Variants in SORL1 observed in about 807,000 individuals in gnomAD.
SORL1 encodes the protein sortilin-related receptor.
A neutral mutation model predicts 273.7 loss-of-function variants in SORL1; 127 were observed. The ratio of observed to expected loss-of-function variants is 0.46; its 90% CI spans 0.40 to 0.54. SORL1 has a LOEUF of 0.54. SORL1 is among the 20% of genes least tolerant of loss of function. The probability of loss-of-function intolerance (pLI) is 0.00; values close to 1 mark genes in which losing one functional copy is unlikely to be tolerated. For missense variants in SORL1, 2,494 were observed against 2,846.1 expected, an observed-to-expected ratio of 0.88 and a Z score of 2.81; for synonymous variants, 1,031 against 1,067.4, an observed-to-expected ratio of 0.97 and a Z score of 0.66.
At chr11:121,569,465 C>G (rs1314340689) in intron 22 of SORL1, among the ~76,000 whole-genome samples, 1 of 152,194 alleles carries the variant, frequency 6.6e-6, no homozygotes, top group African/African-American at 2.4e-5. Context: ...AGGAACATCC[C>G]TGAGAAAGAG....
intron 2 of SORL1, among the ~76,000 whole-genome samples, chr11:121,470,460 T>C (rs533047091): frequency 6.6e-6 from 1 of 152,366 alleles, no homozygotes; most frequent in South Asian, 2.1e-4. Flanking sequence ...CAAATTGGCC[T>C]TTCCCATATG....
At position 121,550,116 on chromosome 11, in the gene SORL1, G is replaced by T. The variant is rs771126126; in HGVS notation, c.2180+28G>T. The T allele has an allele frequency of 1.9e-6, 3 of 1,604,888 alleles. No homozygotes were observed. Among genetic ancestry groups the T allele is most frequent in the Non-Finnish European group, 2.6e-6 (3 of 1,175,220 alleles). ...ATGTATCACAGAGGTTGCCCTGTCA[G>T]GTTCTCAGCGGTCCGCACATGGAGC... On this transcript the variant is annotated intron_variant, in intron 15 of 47. Coordinates refer to ENST00000260197, the MANE Select transcript of SORL1 (RefSeq NM_003105.6). The surrounding 1 kb of genome is among the most constrained non-coding windows in gnomAD (Gnocchi z 5.3).
chr11:121,590,934 G>A (rs762654499), intron 30 of SORL1, 67 bp from the exon 31 acceptor site: 28 of 1,580,804 alleles, frequency 1.8e-5, no homozygotes, highest in Non-Finnish European at 2.1e-5. Context: ...CTAGGTTTGG[G>A]ACATATTTGG....
intron 2 of SORL1, among the ~76,000 whole-genome samples, chr11:121,471,349 G>A (rs1331028509): frequency 6.6e-6 from 1 of 152,158 alleles, no homozygotes; most frequent in Non-Finnish European, 1.5e-5. Context: ...TTACAAGTTG[G>A]CAGCCAGTGT....
At chr11:121,589,535 A>C (rs372572574) in intron 29 of SORL1, 145 bp downstream of exon 29, 12 of 1,012,938 alleles carry the variant, frequency 1.2e-5, no homozygotes, top group East Asian at 2.5e-5. Flanking sequence ...CTGAATACTC[A>C]TACGAGTTGA....
chr11:121,597,597 G>A (rs1863317238), intron 32 of SORL1, among the ~76,000 whole-genome samples: 1 of 152,124 alleles, frequency 6.6e-6, no homozygotes, highest in South Asian at 2.1e-4. Context: ...GAGTAGCTGG[G>A]ACGACAGGCA....
intron 9 of SORL1, among the ~76,000 whole-genome samples, chr11:121,521,619 A>G (rs1346517257): frequency 1.3e-5 from 2 of 152,006 alleles, no homozygotes; most frequent in Non-Finnish European, 1.5e-5. Flanking sequence ...GGTTACAGAA[A>G]CTCTTCAATG....
chr11:121,574,418 C>G, intron 24 of SORL1, 55 bp downstream of exon 24: 9 of 1,561,224 alleles, frequency 5.8e-6, no homozygotes, highest in Non-Finnish European at 7.9e-6. Flanking sequence ...TCATTGTGCT[C>G]CCTCACAGGG....
chr11:121,614,611 C>T, intron 40 of SORL1: 1 of 368,340 alleles, frequency 2.7e-6, no homozygotes, highest in East Asian at 6.1e-5. Flanking sequence ...CAAATGGCTT[C>T]CAGGAGCGTT....
chr11:121,474,825 C>A (rs929597670), intron 2 of SORL1, among the ~76,000 whole-genome samples: 1 of 152,248 alleles, frequency 6.6e-6, no homozygotes, highest in Non-Finnish European at 1.5e-5. Flanking sequence ...GTGGAGCCAC[C>A]AATCCGCTTG....
Position 121,483,138 on chromosome 11 carries a change from A to G in SORL1, c.529-4894A>G, listed in dbSNP as rs75859390. On this transcript the variant is annotated intron_variant, in intron 3 of 47. Coordinates refer to ENST00000260197, the MANE Select transcript of SORL1 (RefSeq NM_003105.6). The stretch of plus-strand genomic sequence containing the variant: ...AGACAGGGGTCTTGCTCTGCCATAC[A>G]TCCTGGGCACAATCATAGCTCACTG... Among the ~76,000 whole-genome samples, 557 of 152,340 alleles carry G rather than the reference A, an allele frequency of 3.7e-3. 6 individuals are homozygous for G. The highest frequency in any genetic ancestry group is 0.013 in the African/African-American group (526 of 41,576).
Position 121,621,134 on chromosome 11 carries a change from G to C in SORL1, c.5960G>C (p.Ser1987Thr), listed in dbSNP as rs779865212. Residue 1987 changes from serine to threonine, a missense_variant, in exon 44 of 48, where the codon AGC becomes ACC. Ser to Thr is a moderately conservative substitution (Grantham distance 58, BLOSUM62 1). Around this residue, in one of 3 missense-constraint regions of SORL1, gnomAD observed 1,609 missense variants for 1,816.4 expected, o/e 0.89. Coordinates refer to ENST00000260197, the MANE Select transcript of SORL1 (RefSeq NM_003105.6). ...DRSYKVKSRN[S>T]TVEYTLNKLE... ...AGCTACAAAGTAAAATCCCGTAACA[G>C]CACTGTGGAATACACCCTTAACAAG... 1 of 1,613,896 alleles carries C rather than the reference G, an allele frequency of 6.2e-7. No homozygotes were observed. The highest frequency in any genetic ancestry group is 1.1e-5 in the South Asian group (1 of 91,072).
At chr11:121,485,085 G>A (rs916254552) in intron 3 of SORL1, among the ~76,000 whole-genome samples, 2 of 152,174 alleles carry the variant, frequency 1.3e-5, no homozygotes, top group Non-Finnish European at 2.9e-5. Context: ...GGTGGTTGAA[G>A]CTTTGTGAAA....
At position 121,478,107 on chromosome 11, in the gene SORL1, C is replaced by T; in HGVS notation, c.403-11C>T. ...CTCTTTCTTTTTCATCTCCTTTTCTCTGTATTCCAGGTGTACGTGTCTTAC... is the reference window on the plus strand; with the variant it reads ...CTCTTTCTTTTTCATCTCCTTTTCTTTGTATTCCAGGTGTACGTGTCTTAC... On this transcript the variant is annotated splice_polypyrimidine_tract_variant and intron_variant, in intron 2 of 47. Coordinates refer to ENST00000260197, the MANE Select transcript of SORL1 (RefSeq NM_003105.6). 6.2e-7 allele frequency: 1 copy of T among 1,601,150 alleles called. No individual in the cohort carries two copies. Among genetic ancestry groups the T allele is most frequent in the East Asian group, 2.3e-5 (1 of 44,120 alleles).
At position 121,566,995 on chromosome 11, in the gene SORL1, C is replaced by T; in HGVS notation, c.3105C>T (p.Asn1035=). The T allele has an allele frequency of 6.2e-7, 1 of 1,614,148 alleles. No homozygotes were observed. The highest frequency in any genetic ancestry group is 1.7e-4 in the Middle Eastern group (1 of 6,060). ...GCCTGCTGTGCCTGCCCAAGGCCAA[C>T]AACAGTAGAAGCTGCAGGTGTCCAG... is the stretch of plus-strand genomic sequence containing the variant. ...PCSLLCLPKA[N]NSRSCRCPED... is the part of the protein sequence containing the mutation. The change falls in exon 22 of 48, where the codon AAC becomes AAT. Residue 1035 remains asparagine (N), a synonymous_variant. Transcript: ENST00000260197.
intron 25 of SORL1, among the ~76,000 whole-genome samples, chr11:121,580,243 G>A (rs1441941652): frequency 6.6e-6 from 1 of 152,164 alleles, no homozygotes; most frequent in Non-Finnish European, 1.5e-5. Context: ...CTCTGGTCTT[G>A]TCTTCAGCAG....
intron 3 of SORL1, among the ~76,000 whole-genome samples, chr11:121,478,870 A>G (rs493286): frequency 0.99 from 151,209 of 151,978 alleles, 75,227 homozygotes; most frequent in Middle Eastern, 1. Flanking sequence ...GCTTATGCAC[A>G]TATGGGTACC....
intron 46 of SORL1, 73 bp downstream of exon 46, chr11:121,625,350 C>A: frequency 3.3e-6 from 4 of 1,223,688 alleles, no homozygotes; most frequent in Non-Finnish European, 3.5e-6. Flanking sequence ...GGTTTCATGA[C>A]CATGTGTCTT....
At chr11:121,593,441 T>G (rs1863245925) in intron 31 of SORL1, among the ~76,000 whole-genome samples, 1 of 152,254 alleles carries the variant, frequency 6.6e-6, no homozygotes, top group Non-Finnish European at 1.5e-5. Flanking sequence ...GTCCAGTTTT[T>G]CTCTTGGAGA....
Sources: gnomAD v4.1 joint callset for allele counts (sites outside exome capture counted in the v4.1 genomes callset) on GRCh38, gnomAD v4.1.1 for gene constraint, gnomAD v4.1.1 regional missense constraint, Gnocchi (gnomAD v3.1) non-coding constraint, MANE v1.5 for transcripts, NCBI Gene and HGNC (gene_info 2026-07-23, HGNC 2026-07-21) for gene names.